Variants in ROBO2 observed in about 807,000 individuals in gnomAD.
The protein encoded by ROBO2 is roundabout homolog 2.
Under a neutral mutation model 160.8 loss-of-function variants are expected in ROBO2, and 53 were observed. That is an observed-to-expected ratio of 0.33 (90% CI 0.26 to 0.41). ROBO2 has a LOEUF of 0.41. Ranked by LOEUF, ROBO2 falls within the 10% of genes least tolerant of loss-of-function variation. ROBO2 has a pLI of 1.00. For missense variants in ROBO2, 1,577 were observed against 1,722.4 expected (o/e 0.92, Z 1.49); for synonymous variants, 664 against 611.7 (o/e 1.09, Z -1.26).
chr3:76,849,031 C>A (rs1310792990), intron 2 of ROBO2, among the ~76,000 whole-genome samples: 2 of 152,092 alleles, frequency 1.3e-5, no homozygotes, highest in African/African-American at 2.4e-5. Flanking sequence ...CATCAAATAA[C>A]ATTTTTGCCC....
intron 2 of ROBO2, among the ~76,000 whole-genome samples, chr3:77,359,853 A>G (rs904884671): frequency 7.2e-5 from 11 of 152,024 alleles, no homozygotes; most frequent in Middle Eastern, 6.8e-3. Flanking sequence ...AAATATTTTT[A>G]TCGTTTATTT....
intron 2 of ROBO2, among the ~76,000 whole-genome samples, chr3:76,656,057 T>A (rs1306252876): frequency 6.6e-6 from 1 of 152,116 alleles, no homozygotes; most frequent in Non-Finnish European, 1.5e-5. Context: ...TTCCAATTCT[T>A]GGCTCAATTT....
At chr3:76,594,084 A>C (rs757672428) in intron 2 of ROBO2, among the ~76,000 whole-genome samples, 1 of 152,004 alleles carries the variant, frequency 6.6e-6, no homozygotes, top group Non-Finnish European at 1.5e-5. Flanking sequence ...AATTTTATTG[A>C]ATCCTTTAAG....
chr3:76,453,300 T>C (rs2077571388), intron 2 of ROBO2, among the ~76,000 whole-genome samples: 2 of 152,178 alleles, frequency 1.3e-5, no homozygotes, highest in Non-Finnish European at 2.9e-5. Context: ...AGGGTTTTTA[T>C]AGTTTTTAGC....
intron 2 of ROBO2, among the ~76,000 whole-genome samples, chr3:76,049,383 G>GTGTGTGTGTATATATATATATA (rs1440395230): frequency 1.9e-4 from 7 of 36,820 alleles, no homozygotes; most frequent in African/African-American, 6.8e-4. Context: ...GCTAATTTTA[G>GTGTGTGTGTATATATATATATA]TATATATATA....
chr3:76,769,332 G>C (rs2061750764), intron 2 of ROBO2, among the ~76,000 whole-genome samples: 1 of 147,878 alleles, frequency 6.8e-6, no homozygotes, highest in Non-Finnish European at 1.5e-5. Flanking sequence ...GGGTCAGAGA[G>C]TCTGTATTTG....
At chr3:75,980,178 C>T (rs2065238019) in intron 2 of ROBO2, among the ~76,000 whole-genome samples, 1 of 151,438 alleles carries the variant, frequency 6.6e-6, no homozygotes, top group Non-Finnish European at 1.5e-5. Flanking sequence ...TCATAAAGTG[C>T]TTACGTTTCT....
chr3:76,159,209 A>G lies in ROBO2; in HGVS notation c.109+221607A>G, dbSNP rs572194762. 3.3e-5 allele frequency among the ~76,000 whole-genome samples: 5 copies of G among 152,286 alleles called. No individual in the cohort carries two copies. In the East Asian group the frequency reaches 9.7e-4, roughly 30 times the overall value. On this transcript the variant is annotated intron_variant, in intron 2 of 26. Transcript: ENST00000487694. ...GAAAGAGACAGTCATAATGCCGTTT[A>G]ACTGTTATTAAGTTGGGAGTGCTGT...
At chr3:76,692,544 G>T (rs2092825332) in intron 2 of ROBO2, among the ~76,000 whole-genome samples, 1 of 152,096 alleles carries the variant, frequency 6.6e-6, no homozygotes, top group Admixed American at 6.6e-5. Flanking sequence ...AGAACAATGA[G>T]ATTTACAATA....
intron 2 of ROBO2, among the ~76,000 whole-genome samples, chr3:77,236,355 G>T (rs370675966): frequency 6.6e-6 from 1 of 152,132 alleles, no homozygotes; most frequent in East Asian, 1.9e-4. Context: ...GAGAACAGAC[G>T]GTAAATGTTC....
chr3:76,538,992 C>T (rs933494548), intron 2 of ROBO2, among the ~76,000 whole-genome samples: 2 of 152,158 alleles, frequency 1.3e-5, no homozygotes, highest in African/African-American at 4.8e-5. Context: ...GGCACATATA[C>T]ACCATGGAAT....
chr3:77,310,299 G>C (rs2063434523), intron 2 of ROBO2, among the ~76,000 whole-genome samples: 1 of 152,126 alleles, frequency 6.6e-6, no homozygotes, highest in Admixed American at 6.6e-5. Context: ...TTGGGTAAAA[G>C]TAAATCTCTA....
chr3:76,920,512 T>A (rs533553828), intron 2 of ROBO2, among the ~76,000 whole-genome samples: 1 of 152,326 alleles, frequency 6.6e-6, no homozygotes, highest in Admixed American at 6.5e-5. Flanking sequence ...GTTTCTTCTA[T>A]GAAGCAGAAA....
intron 6 of ROBO2, among the ~76,000 whole-genome samples, chr3:77,533,644 G>A (rs1184437801): frequency 2.6e-5 from 4 of 152,138 alleles, no homozygotes; most frequent in African/African-American, 4.8e-5. Context: ...CATAGCCAGC[G>A]GGGGCACCCT....
intron 2 of ROBO2, among the ~76,000 whole-genome samples, chr3:76,648,726 ATTC>A (rs2091106973): frequency 6.6e-6 from 1 of 152,128 alleles, no homozygotes; most frequent in South Asian, 2.1e-4. Flanking sequence ...CCACTGTACT[ATTC>A]TTACAATTTC....
intron 2 of ROBO2, among the ~76,000 whole-genome samples, chr3:77,031,242 C>T (rs1480532321): frequency 6.6e-6 from 1 of 151,840 alleles, no homozygotes; most frequent in Non-Finnish European, 1.5e-5. Flanking sequence ...AGCTGATTCC[C>T]AATATAACAA....
intron 1 of ROBO2, among the ~76,000 whole-genome samples, chr3:77,096,492 G>C (rs138227791): frequency 0.01 from 1,500 of 145,604 alleles, 25 homozygotes; most frequent in African/African-American, 0.037. Context: ...CTTGTCACTC[G>C]GGCTGGAGTG....
intron 2 of ROBO2, among the ~76,000 whole-genome samples, chr3:76,750,969 A>C (rs990787753): frequency 6.6e-6 from 1 of 152,154 alleles, no homozygotes; most frequent in Non-Finnish European, 1.5e-5. Flanking sequence ...TGGAACCTAA[A>C]AAGAGCCCAC....
intron 2 of ROBO2, among the ~76,000 whole-genome samples, chr3:76,885,094 G>A (rs1020069166): frequency 6.6e-6 from 1 of 152,112 alleles, no homozygotes; most frequent in African/African-American, 2.4e-5. Context: ...GCTTTCTTGA[G>A]ACTTGAGCCA....
Sources: allele counts gnomAD v4.1 joint callset (sites outside exome capture counted in the v4.1 genomes callset), GRCh38; gene constraint gnomAD v4.1.1; transcripts MANE v1.5; gene names NCBI Gene and HGNC (gene_info 2026-07-23, HGNC 2026-07-21).